SLC8A3: variants seen among roughly 807,000 people sequenced by gnomAD.
SLC8A3 encodes the protein solute carrier family 8 member A3.
In SLC8A3, 37 loss-of-function variants were observed where a neutral mutation model predicts 65.4. The ratio of observed to expected loss-of-function variants is 0.57; its 90% CI spans 0.44 to 0.74. SLC8A3 has a LOEUF of 0.74. Among genes scored for constraint, SLC8A3 ranks in the 30% least tolerant of loss-of-function variants. SLC8A3 has a pLI of 0.00. For missense variants in SLC8A3, 1,112 were observed against 1,172.1 expected (o/e 0.95, Z 0.75); for synonymous variants, 461 against 444.5 (o/e 1.04, Z -0.47).
At chr14:70,169,585 G>C (rs989140443) in intron 1 of SLC8A3, among the ~76,000 whole-genome samples, 3 of 150,900 alleles carry the variant, frequency 2.0e-5, no homozygotes, top group African/African-American at 7.3e-5. Flanking sequence ...CAGAAGAATG[G>C]GATGAAATGC....
chr14:70,093,707 C>T (rs1019113273), intron 2 of SLC8A3, among the ~76,000 whole-genome samples: 1 of 152,202 alleles, frequency 6.6e-6, no homozygotes, highest in Admixed American at 6.5e-5. Context: ...ATTCTGATGT[C>T]TGCTTTCTGT....
intron 2 of SLC8A3, among the ~76,000 whole-genome samples, chr14:70,061,532 A>AAG (rs149638039): frequency 0.02 from 2,919 of 148,072 alleles, 82 homozygotes; most frequent in African/African-American, 0.064. Context: ...AGAGGAAGAG[A>AAG]AGAGAGAGAG....
Position 70,167,337 on chromosome 14 carries a change from C to G in SLC8A3, c.1086G>C (p.Met362Ile). The change falls in exon 2 of 7, where the codon ATG becomes ATC. Residue 362 changes from methionine to isoleucine, a missense_variant. Physicochemically the swap from Met to Ile is conservative, Grantham distance 10 (BLOSUM62 1). Transcript: ENST00000356921. The part of the protein sequence containing the change: ...AFYRIQATRM[M>I]TGAGNILKKH... The stretch of plus-strand genomic sequence containing the variant: ...TCTTCAGGATATTGCCTGCACCAGT[C>G]ATCATACGAGTGGCTTGGATACGGT... The G allele has an allele frequency of 6.2e-7, 1 of 1,614,226 alleles. No individual in the cohort carries two copies. The highest frequency in any genetic ancestry group is 8.5e-7 in the Non-Finnish European group (1 of 1,180,042).
chr14:70,123,236 C>T (rs1894205651), intron 2 of SLC8A3, among the ~76,000 whole-genome samples: 1 of 151,318 alleles, frequency 6.6e-6, no homozygotes, highest in Non-Finnish European at 1.5e-5. Flanking sequence ...CAGAGCGAGA[C>T]TCTGTCTCAA....
rs142869940 is a variant in SLC8A3, at chr14:70,171,020, T to G, written c.-62-2536A>C. ...TGCACAAAGGCATTCATTCAGAGGTTTGACACTCACCCACCCTAGAGAAAT... is the reference window on the plus strand; with the variant it reads ...TGCACAAAGGCATTCATTCAGAGGTGTGACACTCACCCACCCTAGAGAAAT... On this transcript the variant is annotated intron_variant, in intron 1 of 6. Coordinates refer to ENST00000356921, the MANE Select transcript of SLC8A3 (RefSeq NM_182932.3). Among the ~76,000 whole-genome samples the G allele has an allele frequency of 5.1e-3, 776 of 152,336 alleles. 7 individuals carry two copies. The highest frequency in any genetic ancestry group is 0.018 in the African/African-American group (732 of 41,576).
chr14:70,118,939 A>G (rs1893844287), intron 2 of SLC8A3, among the ~76,000 whole-genome samples: 1 of 152,212 alleles, frequency 6.6e-6, no homozygotes, highest in Non-Finnish European at 1.5e-5. Flanking sequence ...TGGGTCTAGC[A>G]TGAGTTTGGA....
chr14:70,109,530 C>T (rs1184423328), intron 2 of SLC8A3, among the ~76,000 whole-genome samples: 1 of 151,874 alleles, frequency 6.6e-6, no homozygotes, highest in African/African-American at 2.4e-5. Context: ...TCTCAGTTCA[C>T]TGCAACCTCC....
At chr14:70,063,921 A>T in intron 2 of SLC8A3, 1 of 1,596,228 alleles carries the variant, frequency 6.3e-7, no homozygotes, top group Non-Finnish European at 8.6e-7. Context: ...CTTGATGTGA[A>T]TTGTTTTGCT....
chr14:70,048,286 C>CT (rs1276124757), intron 6 of SLC8A3: 7 of 274,956 alleles, frequency 2.5e-5, no homozygotes, highest in Non-Finnish European at 4.8e-5. Flanking sequence ...CCTTTGATAT[C>CT]TTTGAGCTGG....
intron 2 of SLC8A3, among the ~76,000 whole-genome samples, chr14:70,095,286 A>ACC (rs1892092051): frequency 6.6e-6 from 1 of 151,928 alleles, no homozygotes. Context: ...GGGCCCTAGG[A>ACC]CCCCCTGGCC....
chr14:70,123,065 T>C (rs1595024113), intron 2 of SLC8A3, among the ~76,000 whole-genome samples: 2 of 100,282 alleles, frequency 2.0e-5, no homozygotes, highest in African/African-American at 4.0e-5. Flanking sequence ...ACAGCAAGAC[T>C]CCATCTCCAA....
chr14:70,188,227 G>T (rs1224395880), intron 1 of SLC8A3, among the ~76,000 whole-genome samples, 152 bp downstream of exon 1: 3 of 152,186 alleles, frequency 2.0e-5, no homozygotes, highest in Non-Finnish European at 4.4e-5. Context: ...CCACAGGAAG[G>T]CGGTTCATAT....
intron 2 of SLC8A3, among the ~76,000 whole-genome samples, chr14:70,065,660 G>T (rs959782357): frequency 6.6e-6 from 1 of 152,204 alleles, no homozygotes; most frequent in Non-Finnish European, 1.5e-5. Flanking sequence ...TTTCTGGGCA[G>T]GGTTTGTGTT....
At chr14:70,156,834 C>CT (rs1464713581) in intron 2 of SLC8A3, among the ~76,000 whole-genome samples, 1 of 152,176 alleles carries the variant, frequency 6.6e-6, no homozygotes, top group Non-Finnish European at 1.5e-5. Flanking sequence ...TTCTGTCTTG[C>CT]TTTACAGCAC....
At chr14:70,052,301 C>T (rs1254001902) in intron 3 of SLC8A3, among the ~76,000 whole-genome samples, 187 bp from the exon 4 acceptor site, 1 of 152,124 alleles carries the variant, frequency 6.6e-6, no homozygotes, top group African/African-American at 2.4e-5. Context: ...TGAGAATGTG[C>T]CTTGCAGACT....
chr14:70,170,208 C>T (rs1897434221), intron 1 of SLC8A3, among the ~76,000 whole-genome samples: 1 of 152,168 alleles, frequency 6.6e-6, no homozygotes, highest in African/African-American at 2.4e-5. Flanking sequence ...CCATGACCTT[C>T]AAAGCCTTGC....
intron 2 of SLC8A3, among the ~76,000 whole-genome samples, chr14:70,126,558 T>TCA (rs1463664680): frequency 7.4e-4 from 70 of 94,828 alleles, no homozygotes; most frequent in Middle Eastern, 4.9e-3. Flanking sequence ...TCTCTCTCTC[T>TCA]CTCTCTCTCT....
chr14:70,146,393 G>A (rs916086844), intron 2 of SLC8A3, among the ~76,000 whole-genome samples: 1 of 152,090 alleles, frequency 6.6e-6, no homozygotes, highest in Admixed American at 6.6e-5. Context: ...GTTGGGTTTC[G>A]TATCTGCAGC....
intron 6 of SLC8A3, 42 bp downstream of exon 6, chr14:70,048,725 G>C (rs1191611251): frequency 1.3e-6 from 2 of 1,578,316 alleles, no homozygotes; most frequent in Admixed American, 3.4e-5. Context: ...ATTTGAACCA[G>C]GTAAAATCCT....
Sources: allele counts gnomAD v4.1 joint callset (sites outside exome capture counted in the v4.1 genomes callset), GRCh38; gene constraint gnomAD v4.1.1; transcripts MANE v1.5; gene names NCBI Gene and HGNC (gene_info 2026-07-23, HGNC 2026-07-21).